The following CMIP variants were observed in gnomAD, a reference collection of about 807,000 sequenced individuals.
CMIP encodes the protein C-Maf-inducing protein.
CMIP carries 13 observed loss-of-function variants against 97.3 expected under a neutral mutation model. That is an observed-to-expected ratio of 0.13 (90% confidence interval 0.09 to 0.21). The LOEUF (loss-of-function observed/expected upper bound fraction) is 0.21, where lower values mean the gene tolerates loss of function less well. CMIP is among the 10% of genes least tolerant of loss of function. CMIP has a pLI of 1.00. For synonymous variants in CMIP, 538 were observed against 436.3 expected (o/e 1.23, Z -2.91); for missense variants, 847 against 1,024.9 (o/e 0.83, Z 2.37).
intron 1 of CMIP, among the ~76,000 whole-genome samples, chr16:81,545,876 C>T (rs927272239): frequency 3.9e-5 from 6 of 152,130 alleles, no homozygotes; most frequent in African/African-American, 7.2e-5. Context: ...GCACGGGATT[C>T]CCACATGCCT....
At chr16:81,675,586 A>T (rs1340668405) in intron 9 of CMIP, among the ~76,000 whole-genome samples, 4 of 152,164 alleles carry the variant, frequency 2.6e-5, no homozygotes, top group Admixed American at 2.6e-4. Context: ...TTTAAAATAG[A>T]TTCCTGGCTG....
At chr16:81,682,327 G>A (rs1047869277) in intron 10 of CMIP, among the ~76,000 whole-genome samples, 1 of 152,214 alleles carries the variant, frequency 6.6e-6, no homozygotes, top group Non-Finnish European at 1.5e-5. Context: ...CACTTTGGGA[G>A]GCCAAGGCAT....
chr16:81,633,888 C>T (rs2092199190), intron 3 of CMIP, among the ~76,000 whole-genome samples: 1 of 152,238 alleles, frequency 6.6e-6, no homozygotes, highest in Non-Finnish European at 1.5e-5. Context: ...CAGGAACAGA[C>T]TCAGGCAGAC....
intron 1 of CMIP, among the ~76,000 whole-genome samples, chr16:81,493,929 T>C (rs1424621627): frequency 1.3e-5 from 2 of 152,210 alleles, no homozygotes; most frequent in African/African-American, 2.4e-5. Context: ...GCCTGTACAC[T>C]GGTGCTTCTC....
intron 1 of CMIP, among the ~76,000 whole-genome samples, chr16:81,589,796 C>G (rs182278190): frequency 2.0e-5 from 3 of 152,248 alleles, no homozygotes; most frequent in African/African-American, 4.8e-5. Context: ...GTCCCTTCCT[C>G]CCTCTCTCAA....
chr16:81,641,995 G>T (rs1027550195), intron 3 of CMIP, among the ~76,000 whole-genome samples: 1 of 152,166 alleles, frequency 6.6e-6, no homozygotes, highest in African/African-American at 2.4e-5. Context: ...TGTAAAATGG[G>T]ACTTACATTA....
At chr16:81,481,667 A>G (rs1357215811) in intron 1 of CMIP, among the ~76,000 whole-genome samples, 1 of 152,158 alleles carries the variant, frequency 6.6e-6, no homozygotes, top group South Asian at 2.1e-4. Flanking sequence ...AAGCAACACA[A>G]AGTTATTATC....
intron 15 of CMIP, 116 bp downstream of exon 15, chr16:81,699,917 G>A: frequency 1.5e-6 from 1 of 678,122 alleles, no homozygotes; most frequent in South Asian, 1.7e-5. Context: ...CAGTGGGTGA[G>A]GCGTGCAGTC....
chr16:81,650,444 A>G (rs1281431329), intron 3 of CMIP, among the ~76,000 whole-genome samples: 1 of 152,088 alleles, frequency 6.6e-6, no homozygotes, highest in Non-Finnish European at 1.5e-5. Flanking sequence ...AGGAGCAGAG[A>G]GAGGAGAAGG....
chr16:81,471,398 G>A (rs139711642), intron 1 of CMIP, among the ~76,000 whole-genome samples: 4 of 144,234 alleles, frequency 2.8e-5, no homozygotes, highest in Non-Finnish European at 4.6e-5. Flanking sequence ...GCATATACAC[G>A]TACAAATGCA....
intron 1 of CMIP, among the ~76,000 whole-genome samples, chr16:81,527,829 G>C (rs180738283): frequency 1.3e-3 from 198 of 152,308 alleles, no homozygotes; most frequent in Non-Finnish European, 2.1e-3. Context: ...CCATTCTACT[G>C]ACGGTGGGCA....
intron 2 of CMIP, among the ~76,000 whole-genome samples, chr16:81,612,578 A>G (rs1211418522): frequency 6.6e-6 from 1 of 152,182 alleles, no homozygotes; most frequent in African/African-American, 2.4e-5. Flanking sequence ...GAGCTTGGAA[A>G]AGGTCGCTCA....
At chr16:81,669,806 C>A (rs781584401) in intron 7 of CMIP, among the ~76,000 whole-genome samples, 3 of 152,202 alleles carry the variant, frequency 2.0e-5, no homozygotes, top group African/African-American at 7.2e-5. Flanking sequence ...ACATTCCCCT[C>A]GGAAGCACCC....
At chr16:81,625,588 G>A (rs915115741) in intron 3 of CMIP, among the ~76,000 whole-genome samples, 8 of 152,246 alleles carry the variant, frequency 5.3e-5, no homozygotes, top group African/African-American at 1.9e-4. Context: ...TGTTTACAAA[G>A]CATTGAGAAG....
intron 10 of CMIP, among the ~76,000 whole-genome samples, chr16:81,681,601 A>G (rs1307267698): frequency 6.6e-6 from 1 of 152,236 alleles, no homozygotes; most frequent in African/African-American, 2.4e-5. Flanking sequence ...GCCGTTTATG[A>G]TGCAGCCATG....
chr16:81,684,464 C>G (rs897584783), intron 10 of CMIP, among the ~76,000 whole-genome samples: 1 of 152,238 alleles, frequency 6.6e-6, no homozygotes, highest in African/African-American at 2.4e-5. Context: ...AGCAGCGAGG[C>G]TGGCAGGAAG....
intron 1 of CMIP, among the ~76,000 whole-genome samples, chr16:81,523,997 C>T (rs2090080192): frequency 6.6e-6 from 1 of 152,204 alleles, no homozygotes; most frequent in Non-Finnish European, 1.5e-5. Flanking sequence ...GTATGTGTGC[C>T]CATGGGTGGA....
chr16:81,593,701 A>G (rs2091501391), intron 1 of CMIP, among the ~76,000 whole-genome samples: 1 of 152,138 alleles, frequency 6.6e-6, no homozygotes, highest in African/African-American at 2.4e-5. Context: ...GGCCGCTGGC[A>G]CAAATGGATC....
At chr16:81,545,126 G>A (rs994775782) in intron 1 of CMIP, among the ~76,000 whole-genome samples, 5 of 152,088 alleles carry the variant, frequency 3.3e-5, no homozygotes, top group South Asian at 4.1e-4. Context: ...TCCCCTTTCC[G>A]CTTTCCCTGC....
Sources: allele counts gnomAD v4.1 joint callset (sites outside exome capture counted in the v4.1 genomes callset), GRCh38; gene constraint gnomAD v4.1.1; transcripts MANE v1.5; gene names NCBI Gene and HGNC (gene_info 2026-07-23, HGNC 2026-07-21).